Variants in TPD52L1 observed in about 807,000 individuals in gnomAD.
TPD52L1 encodes the protein TPD52 like 1, also known as tumor protein D53.
A neutral mutation model predicts 28.7 loss-of-function variants in TPD52L1; 18 were observed. The observed-to-expected ratio is 0.63, with a 90% CI of 0.43 to 0.93. The LOEUF (loss-of-function observed/expected upper bound fraction) is 0.93. TPD52L1 is among the 40% of genes least tolerant of loss of function. TPD52L1 has a pLI of 0.00. For synonymous variants in TPD52L1, 75 were observed against 88.8 expected (o/e 0.84, Z 0.88); for missense variants, 203 against 254.8 (o/e 0.80, Z 1.39).
intron 1 of TPD52L1, among the ~76,000 whole-genome samples, chr6:125,190,126 A>G (rs1225606548): frequency 6.6e-6 from 1 of 152,158 alleles, no homozygotes; most frequent in Admixed American, 6.5e-5. Flanking sequence ...AAAGTAACTA[A>G]AAGTGCCACT....
intron 2 of TPD52L1, among the ~76,000 whole-genome samples, chr6:125,228,527 G>A (rs1795754999): frequency 6.6e-6 from 1 of 152,130 alleles, no homozygotes; most frequent in Admixed American, 6.5e-5. Flanking sequence ...CTATGCAACT[G>A]TGTGTGGTTG....
chr6:125,225,954 G>A (rs746120154), intron 2 of TPD52L1, among the ~76,000 whole-genome samples: 2 of 152,096 alleles, frequency 1.3e-5, no homozygotes, highest in Non-Finnish European at 1.5e-5. Context: ...TAGACCAAAC[G>A]ATCGCAGTCA....
intron 2 of TPD52L1, among the ~76,000 whole-genome samples, chr6:125,228,211 T>C (rs568738419): frequency 2.0e-5 from 3 of 151,726 alleles, no homozygotes; most frequent in Non-Finnish European, 4.4e-5. Flanking sequence ...TGAGAGTGGA[T>C]TGGGGGAAAG....
chr6:125,160,013 C>T (rs774312876), intron 1 of TPD52L1, among the ~76,000 whole-genome samples: 2 of 152,106 alleles, frequency 1.3e-5, no homozygotes, highest in Admixed American at 1.3e-4. Context: ...AAGGGGAGTT[C>T]CCCTGAGTAT....
At chr6:125,241,163 C>T (rs749288337) in intron 3 of TPD52L1, among the ~76,000 whole-genome samples, 5 of 151,936 alleles carry the variant, frequency 3.3e-5, no homozygotes, top group Non-Finnish European at 5.9e-5. Context: ...TCCCTGAGTC[C>T]CTGGTATGAA....
chr6:125,206,512 G>T (rs534184124), intron 1 of TPD52L1, among the ~76,000 whole-genome samples: 2 of 152,168 alleles, frequency 1.3e-5, no homozygotes, highest in African/African-American at 4.8e-5. Flanking sequence ...GGAAAAAGAG[G>T]TTTTCTAGAG....
chr6:125,212,208 A>G (rs1455360603), intron 1 of TPD52L1, among the ~76,000 whole-genome samples: 1 of 152,218 alleles, frequency 6.6e-6, no homozygotes, highest in Non-Finnish European at 1.5e-5. Context: ...GAAAATTTTC[A>G]TATAAGCTAC....
intron 1 of TPD52L1, chr6:125,203,576 A>G: frequency 1.0e-6 from 1 of 956,512 alleles, no homozygotes; most frequent in Middle Eastern, 5.3e-4. Context: ...TTGAAAGTAG[A>G]GCTGTTGTTT....
chr6:125,193,223 G>A (rs1173890246), intron 1 of TPD52L1, among the ~76,000 whole-genome samples: 1 of 152,186 alleles, frequency 6.6e-6, no homozygotes, highest in Non-Finnish European at 1.5e-5. Flanking sequence ...GGGGGATGGA[G>A]GCTGTGGCTA....
intron 2 of TPD52L1, among the ~76,000 whole-genome samples, chr6:125,226,773 C>T (rs562520159): frequency 5.3e-5 from 8 of 151,914 alleles, no homozygotes; most frequent in Admixed American, 3.3e-4. Flanking sequence ...ACATGAACCC[C>T]AAGCATTTTC....
chr6:125,254,397 G>A (rs1277343669), intron 5 of TPD52L1, among the ~76,000 whole-genome samples: 2 of 152,040 alleles, frequency 1.3e-5, no homozygotes, highest in Non-Finnish European at 2.9e-5. Context: ...GAAAATGCAG[G>A]CTCTAGCCCA....
intron 2 of TPD52L1, 116 bp from the exon 3 acceptor site, chr6:125,229,002 C>G: frequency 9.3e-7 from 1 of 1,074,050 alleles, no homozygotes; most frequent in Admixed American, 2.8e-5. Context: ...CAAACCTACA[C>G]ATGGGATTGT....
intron 1 of TPD52L1, among the ~76,000 whole-genome samples, chr6:125,213,805 T>A (rs1794673114): frequency 6.6e-6 from 1 of 151,850 alleles, no homozygotes; most frequent in Non-Finnish European, 1.5e-5. Context: ...CTTCCTAGAG[T>A]TCAAAAAGGA....
chr6:125,170,917 T>G (rs57665568), intron 1 of TPD52L1, among the ~76,000 whole-genome samples: 9,480 of 152,110 alleles, frequency 0.062, 578 homozygotes, highest in East Asian at 0.33. Flanking sequence ...AGAATCCCCT[T>G]TCCAAACAGC....
At chr6:125,171,488 G>A (rs73771250) in intron 1 of TPD52L1, among the ~76,000 whole-genome samples, 3 of 152,128 alleles carry the variant, frequency 2.0e-5, no homozygotes, top group African/African-American at 7.2e-5. Context: ...ATAAGACTTC[G>A]TTTTAGCAGA....
intron 1 of TPD52L1, among the ~76,000 whole-genome samples, chr6:125,202,175 T>C (rs1349017591): frequency 6.6e-6 from 1 of 152,104 alleles, no homozygotes; most frequent in African/African-American, 2.4e-5. Context: ...ACTGTAAAAA[T>C]CTCAGGCCTG....
rs1003483629 is a variant in TPD52L1 at position 125,229,143 on chromosome 6, G to A, written c.161G>A (p.Arg54Gln). 6.8e-6 allele frequency: 11 copies of A among 1,612,964 alleles called. No homozygotes were observed. The highest frequency in any genetic ancestry group is 4.0e-5 in the African/African-American group (3 of 74,776). Residue 54 changes from arginine to glutamine, a missense_variant, in exon 3 of 7, where the codon CGA (arginine) becomes CAA (glutamine). Arg to Gln is a conservative substitution (Grantham distance 43). Coordinates refer to ENST00000534000, the MANE Select transcript of TPD52L1 (RefSeq NM_003287.4). ...VQLEDEITTL[R>Q]QVLSAKERHL... ...CTAGAAGACGAAATTACAACACTAC[G>A]ACAAGTTTTGTCAGCGAAAGAAAGG...
At chr6:125,242,376 C>T (rs1056888822) in intron 3 of TPD52L1, among the ~76,000 whole-genome samples, 3 of 151,958 alleles carry the variant, frequency 2.0e-5, no homozygotes, top group African/African-American at 7.2e-5. Flanking sequence ...ATGTCTAGTG[C>T]TGTCATTGTA....
At chr6:125,169,256 T>G (rs527497611) in intron 1 of TPD52L1, among the ~76,000 whole-genome samples, 2 of 152,128 alleles carry the variant, frequency 1.3e-5, no homozygotes, top group South Asian at 2.1e-4. Flanking sequence ...TTGGCCTGCT[T>G]CTTCTTTCTA....
Sources: gnomAD v4.1 joint callset for allele counts (sites outside exome capture counted in the v4.1 genomes callset) on GRCh38, gnomAD v4.1.1 for gene constraint, MANE v1.5 for transcripts, NCBI Gene and HGNC (gene_info 2026-07-23, HGNC 2026-07-21) for gene names.